SMC2: variants seen among roughly 807,000 people sequenced by gnomAD.
SMC2 encodes the protein structural maintenance of chromosomes 2.
A neutral mutation model predicts 142.6 loss-of-function variants in SMC2; 41 were observed. The observed-to-expected ratio is 0.29, with a 90% CI of 0.22 to 0.37. The LOEUF (loss-of-function observed/expected upper bound fraction) is 0.37, where lower values mean the gene tolerates loss of function less well. Ranked by LOEUF, SMC2 falls within the 10% of genes least tolerant of loss-of-function variation. The probability of loss-of-function intolerance (pLI) is 1.00; values close to 1 mark genes in which losing one functional copy is unlikely to be tolerated. For synonymous variants in SMC2, 463 were observed against 457.5 expected, an observed-to-expected ratio of 1.01 and a Z score of -0.15; for missense variants, 1,265 against 1,373.7, an observed-to-expected ratio of 0.92 and a Z score of 1.25.
intron 9 of SMC2, among the ~76,000 whole-genome samples, chr9:104,106,935 T>C (rs1209550775): frequency 6.6e-6 from 1 of 152,188 alleles, no homozygotes; most frequent in Non-Finnish European, 1.5e-5. Context: ...GGATCCCTCC[T>C]GTTTTGTTTG....
intron 22 of SMC2, 100 bp downstream of exon 22, chr9:104,132,225 G>C: frequency 2.9e-6 from 2 of 701,092 alleles, no homozygotes; most frequent in South Asian, 1.7e-5. Flanking sequence ...ATCTATGTTT[G>C]AATGAGGCAC....
At chr9:104,107,966 A>G (rs1832002813) in intron 9 of SMC2, among the ~76,000 whole-genome samples, 1 of 152,154 alleles carries the variant, frequency 6.6e-6, no homozygotes, top group Non-Finnish European at 1.5e-5. Flanking sequence ...CACCACTGGT[A>G]TAGCTCAAAT....
At position 104,134,436 on chromosome 9, in the gene SMC2, A is replaced by C; in HGVS notation, c.3130A>C (p.Ile1044Leu). ...CCAGGTGAACAAGGACTTTGGGTCT[A>C]TTTTTTCTACTCTTTTGCCTGGTGC... Reference protein sequence around the residue: ...WQKVNKDFGSIFSTLLPGANA... With the variant: ...WQKVNKDFGSLFSTLLPGANA... Residue 1044 changes from isoleucine (I) to leucine (L), a missense_variant, in exon 23 of 25, where the codon ATT becomes CTT. Around this residue, in one of 4 missense-constraint regions of SMC2, gnomAD observed 192 missense variants for 261.9 expected, o/e 0.73. Transcript: ENST00000374793. The C allele has an allele frequency of 6.3e-7, 1 of 1,592,570 alleles. No individual in the cohort carries two copies.
intron 17 of SMC2, among the ~76,000 whole-genome samples, chr9:104,123,585 C>CT (rs1484838861): frequency 5.3e-5 from 8 of 152,048 alleles, no homozygotes; most frequent in African/African-American, 1.7e-4. Flanking sequence ...AATTTGGGAT[C>CT]TTTTTTTGTA....
chr9:104,090,720 G>C (rs534418430), upstream of SMC2, among the ~76,000 whole-genome samples: 95 of 152,262 alleles, frequency 6.2e-4, no homozygotes, highest in African/African-American at 2.2e-3. Context: ...GTGTAAGAGA[G>C]TCCCATAAAC....
intron 23 of SMC2, 87 bp from the exon 24 acceptor site, chr9:104,137,931 C>A: frequency 1.1e-6 from 1 of 942,302 alleles, no homozygotes; most frequent in South Asian, 3.2e-5. Flanking sequence ...CTGCTCTATT[C>A]ACAATAATAG....
At chr9:104,093,185 A>G (rs1425730899), upstream of SMC2, 1 of 152,152 alleles carries the variant, frequency 6.6e-6, no homozygotes, top group Non-Finnish European at 1.5e-5. Flanking sequence ...TGCCCACACC[A>G]TCTTTTTGAA....
chr9:104,098,489 A>C lies in SMC2; in HGVS notation c.362A>C (p.Asn121Thr). 1 of 1,597,512 alleles carries C rather than the reference A, an allele frequency of 6.3e-7. No individual in the cohort carries two copies. The highest frequency in any genetic ancestry group is 8.5e-7 in the Non-Finnish European group (1 of 1,174,000). Residue 121 changes from asparagine to threonine, a missense_variant, in exon 4 of 25, where the codon AAT (asparagine) becomes ACT (threonine). Around this residue, in one of 4 missense-constraint regions of SMC2, gnomAD observed 168 missense variants for 184.8 expected, o/e 0.91. Coordinates refer to ENST00000374793, the MANE Select transcript of SMC2 (RefSeq NM_006444.3). ...GRNKYLINGV[N>T]ANNTRVQDLF... is the part of the protein sequence containing the mutation. Reference sequence around the variant, plus strand: ...AATAAATATTTAATCAATGGAGTCAATGCCAACAACACCAGAGTACAGGAT... The same window carrying C: ...AATAAATATTTAATCAATGGAGTCACTGCCAACAACACCAGAGTACAGGAT...
rs999566005 is a variant in SMC2 at position 104,120,144 on chromosome 9, T to C, written c.2114T>C (p.Leu705Pro). The C allele has an allele frequency of 1.9e-6, 3 of 1,610,498 alleles. No homozygotes were observed. Among genetic ancestry groups the C allele is most frequent in the Admixed American group, 1.7e-5 (1 of 59,086 alleles). ...LRALEEELAG[L>P]KNTAEKYRQL... ...GCTCTAGAAGAGGAATTAGCAGGTC[T>C]TAAAAACACTGCTGAAAAGTAAGAA... Residue 705 changes from leucine to proline, a missense_variant, in exon 16 of 25, where the codon CTT becomes CCT. Transcript: ENST00000374793.
intron 16 of SMC2, 48 bp downstream of exon 16, chr9:104,120,210 A>T: frequency 1.4e-6 from 2 of 1,470,348 alleles, no homozygotes; most frequent in Non-Finnish European, 1.8e-6. Context: ...CATAGTAGAA[A>T]ATGATAGAAA....
chr9:104,100,290 C>G (rs1232244680), intron 6 of SMC2, 87 bp downstream of exon 6: 1 of 1,383,196 alleles, frequency 7.2e-7, no homozygotes, highest in African/African-American at 1.5e-5. Context: ...AATTTTTTTC[C>G]TTGGTTCAGT....
chr9:104,093,969 A>T (rs28413182), upstream of SMC2, among the ~76,000 whole-genome samples: 1 of 152,202 alleles, frequency 6.6e-6, no homozygotes, highest in Non-Finnish European at 1.5e-5. Context: ...CACAGCCAGC[A>T]CCGCAGACTG....
rs535724650 is a variant in SMC2 at position 104,099,981 on chromosome 9, C to A, written c.481-112C>A. On this transcript the variant is annotated intron_variant, in intron 5 of 24. Coordinates refer to ENST00000374793, the MANE Select transcript of SMC2 (RefSeq NM_006444.3). ...TTTAACCTATATGGTTCATTTGGGC[C>A]AACTTTTGGTAAGATGTTTAGTGAG... 2.5e-5 allele frequency: 17 copies of A among 684,418 alleles called. No homozygotes were observed. The Middle Eastern group carries it at 1.2e-3, about 48-fold the overall frequency. The allele number at this position is 684,418 out of a possible 1,614,324, so 42.4% of individuals were successfully genotyped here.
rs1266479186 is a variant in SMC2, at chr9:104,139,413, CTG to C, written c.*102_*103del. On this transcript the variant is annotated 3_prime_UTR_variant, in exon 25 of 25. Coordinates refer to ENST00000374793, the MANE Select transcript of SMC2 (RefSeq NM_006444.3). ...TGTTTATATACAAAAATTAATGTTA[CTG>C]TGTTACTTAACCCATGTTTTCTCTT... 2 of 948,522 alleles carry C rather than the reference CTG, an allele frequency of 2.1e-6. No individual in the cohort carries two copies. The highest frequency in any genetic ancestry group is 1.8e-5 in the African/African-American group (1 of 57,048). 58.8% of individuals were successfully genotyped at this position (948,522 alleles called of 1,614,324 possible).
intron 17 of SMC2, among the ~76,000 whole-genome samples, chr9:104,123,464 A>AACTTTT (rs113567403): frequency 0.056 from 8,588 of 152,204 alleles, 637 homozygotes; most frequent in African/African-American, 0.18. Context: ...CAGCATATGA[A>AACTTTT]CATTTCTCCA....
intron 15 of SMC2, among the ~76,000 whole-genome samples, chr9:104,118,916 TAAC>T (rs977429193): frequency 3.3e-5 from 5 of 152,178 alleles, no homozygotes; most frequent in Non-Finnish European, 5.9e-5. Flanking sequence ...TAGTTCTTAA[TAAC>T]AACGATGAGG....
In SMC2 at chr9:104,139,163, G is replaced by A; in HGVS notation, c.3442G>A (p.Gly1148Ser). Residue 1148 changes from glycine to serine, a missense_variant, in exon 25 of 25, where the codon GGT becomes AGT. Gly to Ser is a moderately conservative substitution (Grantham distance 56). Around this residue, in one of 4 missense-constraint regions of SMC2, gnomAD observed 192 missense variants for 261.9 expected, o/e 0.73. Transcript: ENST00000374793. Reference sequence around the variant, plus strand: ...GTTCATTGTGGTGTCACTAAAAGAAGGTATGTTCAACAATGCAAACGTTCT... The same window carrying A: ...GTTCATTGTGGTGTCACTAAAAGAAAGTATGTTCAACAATGCAAACGTTCT... ...SQFIVVSLKE[G>S]MFNNANVLFK... is the part of the protein sequence containing the mutation. 1 of 1,574,070 alleles carries A rather than the reference G, an allele frequency of 6.4e-7. No homozygotes were observed. The highest frequency in any genetic ancestry group is 2.3e-5 in the East Asian group (1 of 43,088).
At chr9:104,135,112 TAA>T (rs1049354904) in intron 23 of SMC2, among the ~76,000 whole-genome samples, 1 of 151,838 alleles carries the variant, frequency 6.6e-6, no homozygotes, top group Non-Finnish European at 1.5e-5. Flanking sequence ...TAAAGAAGGT[TAA>T]AAAAAATTGA....
In SMC2 at chr9:104,095,417, C is replaced by G; in HGVS notation, c.33C>G (p.Phe11Leu). 3.1e-6 allele frequency: 5 copies of G among 1,613,630 alleles called. No individual in the cohort carries two copies. The highest frequency in any genetic ancestry group is 4.2e-6 in the Non-Finnish European group (5 of 1,179,926). ...TTAAGTCAATTATTCTAGAGGGATT[C>G]AAGTCCTATGCTCAGAGGACCGAAG... MHIKSIILEG[F>L]KSYAQRTEVN... The change falls in exon 2 of 25, where the codon TTC (phenylalanine) becomes TTG (leucine). Residue 11 changes from phenylalanine to leucine, a missense_variant. Around this residue, in one of 4 missense-constraint regions of SMC2, gnomAD observed 168 missense variants for 184.8 expected, o/e 0.91. Coordinates refer to ENST00000374793, the MANE Select transcript of SMC2 (RefSeq NM_006444.3).
Sources: gnomAD v4.1 joint callset for allele counts (sites outside exome capture counted in the v4.1 genomes callset) on GRCh38, gnomAD v4.1.1 for gene constraint, gnomAD v4.1.1 regional missense constraint, MANE v1.5 for transcripts, NCBI Gene and HGNC (gene_info 2026-07-23, HGNC 2026-07-21) for gene names.